The following TSHR variants were observed in gnomAD, a reference collection of about 807,000 sequenced individuals.
The protein encoded by TSHR is thyroid stimulating hormone receptor.
Under a neutral mutation model 64.1 loss-of-function variants are expected in TSHR, and 51 were observed. That is an observed-to-expected ratio of 0.80 (90% CI 0.64 to 1.01). The LOEUF is 1.01. Among genes scored for constraint, TSHR ranks in the 50% least tolerant of loss-of-function variants. The pLI, the probability that TSHR is intolerant of heterozygous loss-of-function variation, is 0.00. For synonymous variants in TSHR, 361 were observed against 361.9 expected (o/e 1.00, Z 0.03); for missense variants, 877 against 942.8 (o/e 0.93, Z 0.91).
At chr14:81,045,010 A>G (rs1885108410) in intron 1 of TSHR, among the ~76,000 whole-genome samples, 1 of 152,228 alleles carries the variant, frequency 6.6e-6, no homozygotes, top group South Asian at 2.1e-4. Context: ...ATGCCCATCA[A>G]TGACAGACTG....
At chr14:81,033,195 T>A in intron 1 of TSHR, 1 of 449,302 alleles carries the variant, frequency 2.2e-6, no homozygotes. Context: ...TCACTAATGA[T>A]ATCTCATCCA....
At position 81,092,607 on chromosome 14, in the gene TSHR, CT is replaced by C. The variant is rs1184352578; in HGVS notation, c.545del (p.Leu182ArgfsTer26). ...GGGACTATGCAATGAAACCTTGACA[CT>C]GTGAGTATTACCAGTTCTACTCCCT... ...FQGLCNETLT[L>X]KLYNNGFTSV... On this transcript the variant is annotated frameshift_variant and splice_region_variant, in exon 6 of 10. Transcript: ENST00000298171. LOFTEE classifies it high-confidence loss of function. 2 of 1,613,684 alleles carry C rather than the reference CT, an allele frequency of 1.2e-6. No individual in the cohort carries two copies. Among genetic ancestry groups the C allele is most frequent in the Non-Finnish European group, 1.7e-6 (2 of 1,179,756 alleles).
At chr14:81,023,009 T>C (rs1883853513) in intron 1 of TSHR, among the ~76,000 whole-genome samples, 1 of 152,146 alleles carries the variant, frequency 6.6e-6, no homozygotes. Flanking sequence ...AGACACTCAG[T>C]TTGCTGTGTG....
chr14:81,082,158 T>C (rs1595072338), intron 3 of TSHR, among the ~76,000 whole-genome samples: 1 of 152,200 alleles, frequency 6.6e-6, no homozygotes, highest in African/African-American at 2.4e-5. Context: ...CTTTGTTTTA[T>C]GGAATAAGTT....
intron 1 of TSHR, among the ~76,000 whole-genome samples, chr14:80,972,680 A>G (rs1294896639): frequency 1.3e-5 from 2 of 152,200 alleles, no homozygotes; most frequent in Non-Finnish European, 2.9e-5. Flanking sequence ...TACATTCACA[A>G]TAGTGTACAG....
At chr14:80,988,989 C>T (rs1888603804) in intron 1 of TSHR, among the ~76,000 whole-genome samples, 1 of 152,160 alleles carries the variant, frequency 6.6e-6, no homozygotes, top group South Asian at 2.1e-4. Flanking sequence ...AGCCACACAC[C>T]AGTATTTTTT....
intron 1 of TSHR, among the ~76,000 whole-genome samples, chr14:81,005,723 G>T (rs182573733): frequency 6.6e-6 from 1 of 152,134 alleles, no homozygotes; most frequent in Non-Finnish European, 1.5e-5. Flanking sequence ...ATGTGTTCTT[G>T]GAACCGCGGA....
At chr14:81,053,135 T>C (rs1885528920) in intron 1 of TSHR, 1 of 152,134 alleles carries the variant, frequency 6.6e-6, no homozygotes, top group Non-Finnish European at 1.5e-5. Context: ...TTGAATCCAA[T>C]GGCCTGAGAA....
chr14:81,002,140 A>C (rs527510428), intron 1 of TSHR, among the ~76,000 whole-genome samples: 3 of 152,322 alleles, frequency 2.0e-5, no homozygotes, highest in African/African-American at 7.2e-5. Flanking sequence ...TTTAAAGTAC[A>C]GCCCCAGTTC....
intron 8 of TSHR, among the ~76,000 whole-genome samples, chr14:81,113,188 A>G (rs1595135580): frequency 6.6e-6 from 1 of 152,374 alleles, no homozygotes; most frequent in East Asian, 1.9e-4. Flanking sequence ...GCACTAAGAC[A>G]GCAGCAGTAG....
At chr14:81,034,820 T>A (rs1359618259) in intron 1 of TSHR, among the ~76,000 whole-genome samples, 1 of 152,204 alleles carries the variant, frequency 6.6e-6, no homozygotes, top group African/African-American at 2.4e-5. Context: ...TAATTTGCCT[T>A]TTTGCAATTT....
At chr14:81,066,393 C>T (rs1171324000) in intron 2 of TSHR, among the ~76,000 whole-genome samples, 2 of 152,184 alleles carry the variant, frequency 1.3e-5, no homozygotes, top group African/African-American at 2.4e-5. Context: ...CCATTGTTTC[C>T]TTTATGTTAG....
chr14:80,996,694 C>T (rs1294659574), intron 1 of TSHR, among the ~76,000 whole-genome samples: 1 of 152,062 alleles, frequency 6.6e-6, no homozygotes, highest in Non-Finnish European at 1.5e-5. Context: ...ACTTGGAATT[C>T]CTATAGTAGT....
chr14:80,979,378 G>A (rs1333383118), intron 1 of TSHR, among the ~76,000 whole-genome samples: 1 of 152,060 alleles, frequency 6.6e-6, no homozygotes, highest in Non-Finnish European at 1.5e-5. Context: ...GGTAGGGGGA[G>A]GAAGAAATGA....
intron 1 of TSHR, among the ~76,000 whole-genome samples, chr14:80,990,257 G>A (rs1474970596): frequency 1.3e-5 from 2 of 152,230 alleles, no homozygotes; most frequent in Non-Finnish European, 2.9e-5. Flanking sequence ...AACCCAGCAG[G>A]GAATGTGGCA....
chr14:81,037,419 C>CAAAAAAA (rs748986847), intron 1 of TSHR, among the ~76,000 whole-genome samples: 18 of 98,998 alleles, frequency 1.8e-4, no homozygotes, highest in African/African-American at 3.8e-4. Flanking sequence ...AAAGGAAATA[C>CAAAAAAA]AAAACAAACA....
At chr14:81,040,604 C>T (rs1884872591) in intron 1 of TSHR, among the ~76,000 whole-genome samples, 1 of 151,846 alleles carries the variant, frequency 6.6e-6, no homozygotes, top group South Asian at 2.1e-4. Context: ...GAAACCCAAA[C>T]AACTCAGCAA....
At chr14:81,066,544 T>C (rs1886623818) in intron 2 of TSHR, among the ~76,000 whole-genome samples, 1 of 152,212 alleles carries the variant, frequency 6.6e-6, no homozygotes, top group Non-Finnish European at 1.5e-5. Flanking sequence ...ATAATACTCA[T>C]AATAACCAAG....
chr14:81,052,283 C>T (rs1885477318), intron 1 of TSHR: 1 of 152,166 alleles, frequency 6.6e-6, no homozygotes, highest in African/African-American at 2.4e-5. Context: ...CTTTTTCTAA[C>T]ACCATTTATT....
Sources: gnomAD v4.1 joint callset for allele counts (sites outside exome capture counted in the v4.1 genomes callset) on GRCh38, gnomAD v4.1.1 for gene constraint, MANE v1.5 for transcripts, NCBI Gene and HGNC (gene_info 2026-07-23, HGNC 2026-07-21) for gene names.